Variants in MAP2 observed in about 807,000 individuals in gnomAD.
The protein encoded by MAP2 is microtubule-associated protein 2.
MAP2 carries 14 observed loss-of-function variants against 137.6 expected under a neutral mutation model. The ratio of observed to expected loss-of-function variants is 0.10; its 90% CI spans 0.07 to 0.16. The LOEUF is 0.16. Among genes scored for constraint, MAP2 ranks in the 10% least tolerant of loss-of-function variants. MAP2 has a pLI of 1.00. For missense variants in MAP2, 2,088 were observed against 2,191.5 expected (o/e 0.95, Z 0.94); for synonymous variants, 786 against 782.3 (o/e 1.00, Z -0.08).
chr2:209,539,910 T>C (rs1432184132), intron 2 of MAP2, among the ~76,000 whole-genome samples: 1 of 131,036 alleles, frequency 7.6e-6, no homozygotes. Flanking sequence ...ACAGCCTGGG[T>C]AACATAGTGA....
At chr2:209,630,650 A>G (rs1239680666) in intron 4 of MAP2, among the ~76,000 whole-genome samples, 1 of 151,988 alleles carries the variant, frequency 6.6e-6, no homozygotes, top group Non-Finnish European at 1.5e-5. Flanking sequence ...CCTTTATTGA[A>G]TTTTATTGTT....
At chr2:209,709,309 G>A (rs765012783) in intron 12 of MAP2, among the ~76,000 whole-genome samples, 30 of 152,050 alleles carry the variant, frequency 2.0e-4, no homozygotes, top group Admixed American at 1.8e-3. Context: ...TTTTCCTTAT[G>A]AAAAGAATAC....
intron 7 of MAP2, among the ~76,000 whole-genome samples, chr2:209,682,536 C>T (rs955795470): frequency 8.6e-5 from 13 of 151,830 alleles, no homozygotes; most frequent in Non-Finnish European, 1.3e-4. Context: ...AACAGAAATC[C>T]AATAAATAAG....
At chr2:209,437,385 C>T (rs1184220629) in intron 1 of MAP2, among the ~76,000 whole-genome samples, 2 of 151,692 alleles carry the variant, frequency 1.3e-5, no homozygotes, top group African/African-American at 4.8e-5. Context: ...TTCTGTCTCT[C>T]TCCAGAATGC....
At chr2:209,645,261 T>C (rs988920125) in intron 4 of MAP2, among the ~76,000 whole-genome samples, 2 of 152,258 alleles carry the variant, frequency 1.3e-5, no homozygotes, top group African/African-American at 4.8e-5. Context: ...TTAAGCCAGC[T>C]GTTAAATGCA....
chr2:209,676,184 T>C lies in MAP2; in HGVS notation c.263-2388T>C, dbSNP rs774008498. Among the ~76,000 whole-genome samples, 3 of 151,962 alleles carry C rather than the reference T, an allele frequency of 2.0e-5. No individual in the cohort carries two copies. The South Asian group carries it at 6.2e-4, about 31-fold the overall frequency. ...TTGGATAAAGAAAATGTGGTACATA[T>C]ACACTGTGGAATACTATGCAGCCAT... On this transcript the variant is annotated intron_variant, in intron 5 of 15. Transcript: ENST00000682079.
chr2:209,609,251 T>A (rs1173651251), intron 3 of MAP2, among the ~76,000 whole-genome samples: 1 of 152,110 alleles, frequency 6.6e-6, no homozygotes, highest in Non-Finnish European at 1.5e-5. Context: ...AAAATTAATA[T>A]TTACTAAATT....
At chr2:209,692,461 T>G (rs1177018676) in intron 7 of MAP2, among the ~76,000 whole-genome samples, 164 bp from the exon 8 acceptor site, 1 of 152,184 alleles carries the variant, frequency 6.6e-6, no homozygotes, top group Non-Finnish European at 1.5e-5. Context: ...TATATCTCAG[T>G]CCTGACCTTT....
At chr2:209,612,095 G>T (rs533323079) in intron 3 of MAP2, among the ~76,000 whole-genome samples, 21 of 152,272 alleles carry the variant, frequency 1.4e-4, no homozygotes, top group Admixed American at 9.8e-4. Context: ...ATATGTGTGT[G>T]CTGTATCACA....
intron 4 of MAP2, among the ~76,000 whole-genome samples, chr2:209,648,558 A>C (rs1048877314): frequency 6.8e-6 from 1 of 147,988 alleles, no homozygotes; most frequent in African/African-American, 2.5e-5. Context: ...TTATCAAGCT[A>C]GGCTTTTCAG....
In MAP2 at chr2:209,434,833, C is replaced by CTCTCTA. The variant is rs397966694; in HGVS notation, c.-222+10558_-222+10559insCTCTAT. ...CCAGATCCTCTCTCTCTCTCTCTCTCTATATATATATATATGTTATATATA... is the reference window on the plus strand; with the variant it reads ...CCAGATCCTCTCTCTCTCTCTCTCTCTCTCTATATATATATATATATGTTATATATA... On this transcript the variant is annotated intron_variant, in intron 1 of 15. Transcript: ENST00000682079. Among the ~76,000 whole-genome samples the CTCTCTA allele has an allele frequency of 4.4e-4, 41 of 93,186 alleles. 1 individual carries two copies. Among genetic ancestry groups the CTCTCTA allele is most frequent in the African/African-American group, 1.4e-3 (36 of 25,240 alleles). The allele number at this position is 93,186 out of a possible 152,430, so 61.1% of individuals were successfully genotyped here.
chr2:209,599,666 G>T (rs2082400329), intron 3 of MAP2, among the ~76,000 whole-genome samples: 1 of 152,058 alleles, frequency 6.6e-6, no homozygotes, highest in Non-Finnish European at 1.5e-5. Flanking sequence ...CAACAGAACA[G>T]AAATTTCTGG....
chr2:209,638,127 G>C (rs1024865782), intron 4 of MAP2, among the ~76,000 whole-genome samples: 1 of 151,946 alleles, frequency 6.6e-6, no homozygotes, highest in African/African-American at 2.4e-5. Flanking sequence ...ATACATTTCA[G>C]GCCTGGAGGA....
chr2:209,436,770 T>C (rs956808798), intron 1 of MAP2, among the ~76,000 whole-genome samples: 5 of 151,748 alleles, frequency 3.3e-5, no homozygotes, highest in Admixed American at 6.6e-5. Context: ...GTCTCCATTT[T>C]TTTCTTGGCT....
At chr2:209,562,054 G>A (rs1190860793) in intron 2 of MAP2, among the ~76,000 whole-genome samples, 1 of 152,070 alleles carries the variant, frequency 6.6e-6, no homozygotes, top group African/African-American at 2.4e-5. Context: ...GAAAATTAAG[G>A]AATTCCTTAT....
At chr2:209,597,972 A>C (rs2081771925) in intron 3 of MAP2, among the ~76,000 whole-genome samples, 1 of 151,922 alleles carries the variant, frequency 6.6e-6, no homozygotes, top group African/African-American at 2.4e-5. Flanking sequence ...CAAGACTAGA[A>C]TCTCCATGAG....
rs193033143 is a variant in MAP2 at position 209,666,352 on chromosome 2, G to C, written c.263-12220G>C. Among the ~76,000 whole-genome samples, 781 of 152,162 alleles carry C rather than the reference G, an allele frequency of 5.1e-3. 13 individuals carry two copies. The highest frequency in any genetic ancestry group is 0.018 in the African/African-American group (730 of 41,550). On this transcript the variant is annotated intron_variant, in intron 5 of 15. Coordinates refer to ENST00000682079, the MANE Select transcript of MAP2 (RefSeq NM_001375505.1). The stretch of plus-strand genomic sequence containing the variant: ...AGAAAAGAAGCAAATGATTGAGTTT[G>C]ATGCAAATATAGTAGCCACTTAACA...
intron 3 of MAP2, among the ~76,000 whole-genome samples, chr2:209,616,211 C>T (rs2089302205): frequency 6.6e-6 from 1 of 152,222 alleles, no homozygotes; most frequent in Non-Finnish European, 1.5e-5. Context: ...CAAGCATGGC[C>T]TAGTGAGGCC....
chr2:209,510,177 T>C (rs2061560782), intron 2 of MAP2, among the ~76,000 whole-genome samples: 1 of 151,984 alleles, frequency 6.6e-6, no homozygotes, highest in Non-Finnish European at 1.5e-5. Context: ...TTATTATTAA[T>C]ACTGCTACCA....
Sources: allele counts gnomAD v4.1 joint callset (sites outside exome capture counted in the v4.1 genomes callset), GRCh38; gene constraint gnomAD v4.1.1; transcripts MANE v1.5; gene names NCBI Gene and HGNC (gene_info 2026-07-23, HGNC 2026-07-21).